PTPRD: variants seen among roughly 807,000 people sequenced by gnomAD.
PTPRD encodes the protein receptor-type tyrosine-protein phosphatase delta.
A neutral mutation model predicts 214.5 loss-of-function variants in PTPRD; 34 were observed. The ratio of observed to expected loss-of-function variants is 0.16; its 90% CI spans 0.12 to 0.21. The LOEUF (loss-of-function observed/expected upper bound fraction) is 0.21. Ranked by LOEUF, PTPRD falls within the 10% of genes least tolerant of loss-of-function variation. The probability of loss-of-function intolerance (pLI) is 1.00; values close to 1 mark genes in which losing one functional copy is unlikely to be tolerated. For synonymous variants in PTPRD, 1,128 were observed against 845.7 expected (o/e 1.33, Z -5.79); for missense variants, 2,545 against 2,398.7 (o/e 1.06, Z -1.27).
intron 3 of PTPRD, among the ~76,000 whole-genome samples, chr9:10,248,742 C>T (rs2092474753): frequency 6.6e-6 from 1 of 152,038 alleles, no homozygotes; most frequent in Non-Finnish European, 1.5e-5. Flanking sequence ...ATGGCATGCT[C>T]TTCTCTCATG....
rs76192275 is a variant in PTPRD at position 9,237,923 on chromosome 9, C to T, written c.-202-54560G>A. Reference sequence around the variant, plus strand: ...CAAATTAGCTCCTCTAAGAACTGTTCCTTCCATTTACTTCTGTTCCTCCTT... The same window carrying T: ...CAAATTAGCTCCTCTAAGAACTGTTTCTTCCATTTACTTCTGTTCCTCCTT... On this transcript the variant is annotated intron_variant, in intron 9 of 45. Coordinates refer to ENST00000381196, the MANE Select transcript of PTPRD (RefSeq NM_002839.4). 4.6e-5 allele frequency among the ~76,000 whole-genome samples: 7 copies of T among 152,270 alleles called. No individual in the cohort carries two copies. The East Asian group carries it at 1.4e-3, about 29-fold the overall frequency.
At chr9:8,715,048 A>T (rs185326791) in intron 12 of PTPRD, among the ~76,000 whole-genome samples, 1,542 of 152,214 alleles carry the variant, frequency 0.01, 39 homozygotes, top group Admixed American at 0.057. Flanking sequence ...TATACAAGAC[A>T]TTCAAGAAGA....
intron 39 of PTPRD, among the ~76,000 whole-genome samples, chr9:8,355,089 C>A (rs1190224183): frequency 6.6e-6 from 1 of 151,874 alleles, no homozygotes; most frequent in Non-Finnish European, 1.5e-5. Flanking sequence ...GTGTTTGGAG[C>A]ATGGGAGGTG....
At chr9:10,446,616 G>A (rs1240014222) in intron 2 of PTPRD, among the ~76,000 whole-genome samples, 2 of 151,884 alleles carry the variant, frequency 1.3e-5, no homozygotes, top group African/African-American at 4.8e-5. Flanking sequence ...AATAAAATAT[G>A]ATGTAAGTGT....
intron 12 of PTPRD, among the ~76,000 whole-genome samples, chr9:8,727,287 CAG>C (rs1439137924): frequency 2.0e-5 from 3 of 152,194 alleles, no homozygotes; most frequent in East Asian, 1.9e-4. Flanking sequence ...GATTTTGTGA[CAG>C]AGTCTTAATC....
intron 4 of PTPRD, among the ~76,000 whole-genome samples, chr9:9,997,270 A>G (rs1442499054): frequency 6.8e-6 from 1 of 147,652 alleles, no homozygotes; most frequent in Non-Finnish European, 1.5e-5. Context: ...GAATCAGCAA[A>G]CTTGAAGATA....
At chr9:9,305,012 C>G (rs1370391576) in intron 9 of PTPRD, among the ~76,000 whole-genome samples, 2 of 148,552 alleles carry the variant, frequency 1.3e-5, no homozygotes, top group Non-Finnish European at 1.5e-5. Flanking sequence ...CACTAGTTCC[C>G]TTAGTTTTCG....
intron 3 of PTPRD, among the ~76,000 whole-genome samples, chr9:10,186,449 C>A (rs897839245): frequency 2.0e-5 from 3 of 152,008 alleles, no homozygotes; most frequent in Admixed American, 6.6e-5. Context: ...ATTAATGCAA[C>A]ACTTGCAATT....
rs192261653 is a variant in PTPRD, at chr9:9,885,368, A to T, written c.-368+53139T>A. ...AAGATTTAAGATGATGCCTCATAGA[A>T]TCTTTAACCTACACAAAAGTTCCAC... On this transcript the variant is annotated intron_variant, in intron 5 of 45. Transcript: ENST00000381196. 1.7e-4 allele frequency among the ~76,000 whole-genome samples: 26 copies of T among 152,040 alleles called. 1 individual carries two copies. Among genetic ancestry groups the T allele is most frequent in the African/African-American group, 4.6e-4 (19 of 41,382 alleles).
chr9:8,739,470 A>C (rs1334669267), intron 11 of PTPRD, among the ~76,000 whole-genome samples: 1 of 152,210 alleles, frequency 6.6e-6, no homozygotes, highest in Admixed American at 6.5e-5. Context: ...TTTTTATCTT[A>C]TTAAAGTTCA....
chr9:9,874,097 G>A (rs976632683), intron 5 of PTPRD, among the ~76,000 whole-genome samples: 7 of 152,084 alleles, frequency 4.6e-5, no homozygotes, highest in Non-Finnish European at 1.0e-4. Context: ...TGCCCTTGTA[G>A]AATAGAGAGT....
intron 8 of PTPRD, among the ~76,000 whole-genome samples, chr9:9,565,099 T>G (rs1403970036): frequency 1.3e-5 from 2 of 151,700 alleles, no homozygotes; most frequent in African/African-American, 4.8e-5. Context: ...AAAAGTTATA[T>G]TCAAATATTT....
At chr9:8,324,486 T>C (rs762941423) in intron 44 of PTPRD, among the ~76,000 whole-genome samples, 6 of 152,210 alleles carry the variant, frequency 3.9e-5, no homozygotes, top group Non-Finnish European at 7.3e-5. Flanking sequence ...GCATTTTCTT[T>C]ATCCAATCTA....
chr9:9,750,860 G>T (rs7036733), intron 6 of PTPRD, among the ~76,000 whole-genome samples: 60,858 of 151,806 alleles, frequency 0.4, 13,083 homozygotes, highest in African/African-American at 0.52. Flanking sequence ...CCAAGGTTCT[G>T]CCCTATTCCA....
intron 14 of PTPRD, among the ~76,000 whole-genome samples, chr9:8,565,537 G>C (rs959217558): frequency 6.6e-6 from 1 of 152,038 alleles, no homozygotes; most frequent in African/African-American, 2.4e-5. Flanking sequence ...GACACTTCAC[G>C]TTTTAGATCT....
At chr9:9,202,162 A>T (rs1033517392) in intron 9 of PTPRD, among the ~76,000 whole-genome samples, 1 of 152,196 alleles carries the variant, frequency 6.6e-6, no homozygotes, top group African/African-American at 2.4e-5. Context: ...GTGTTTGGAA[A>T]GCCTAGACAG....
intron 9 of PTPRD, among the ~76,000 whole-genome samples, chr9:9,394,029 T>C (rs1233606246): frequency 6.6e-6 from 1 of 152,284 alleles, no homozygotes; most frequent in Non-Finnish European, 1.5e-5. Context: ...CATTAAGACA[T>C]TTTTAAACCA....
intron 7 of PTPRD, among the ~76,000 whole-genome samples, chr9:9,697,135 C>A: frequency 6.6e-6 from 1 of 151,872 alleles, no homozygotes; most frequent in East Asian, 1.9e-4. Flanking sequence ...TTTATAGTGC[C>A]TGTCTCTTAA....
chr9:8,444,576 T>C (rs934081668), intron 34 of PTPRD, among the ~76,000 whole-genome samples: 2 of 152,098 alleles, frequency 1.3e-5, no homozygotes, highest in Non-Finnish European at 2.9e-5. Flanking sequence ...AGAGTAATTT[T>C]TCTTCTCTAA....
Sources: gnomAD v4.1 joint callset for allele counts (sites outside exome capture counted in the v4.1 genomes callset) on GRCh38, gnomAD v4.1.1 for gene constraint, MANE v1.5 for transcripts, NCBI Gene and HGNC (gene_info 2026-07-23, HGNC 2026-07-21) for gene names.